The following CEP192 variants were observed in gnomAD, a reference collection of about 807,000 sequenced individuals.
The protein encoded by CEP192 is centrosomal protein of 192 kDa.
Under a neutral mutation model 271.8 loss-of-function variants are expected in CEP192, and 151 were observed. The ratio of observed to expected loss-of-function variants is 0.56; its 90% CI spans 0.49 to 0.64. CEP192 has a LOEUF of 0.64. CEP192 is among the 30% of genes least tolerant of loss of function. CEP192 has a pLI of 0.00. For missense variants in CEP192, 2,910 were observed against 3,020.5 expected (o/e 0.96, Z 0.86); for synonymous variants, 995 against 1,076.5 (o/e 0.92, Z 1.48).
chr18:13,078,502 C>T (rs960599303), intron 30 of CEP192, among the ~76,000 whole-genome samples: 6 of 152,232 alleles, frequency 3.9e-5, no homozygotes, highest in Admixed American at 6.5e-5. Context: ...CTTGAGGAAT[C>T]GCCACACTGT....
At chr18:13,091,816 C>G (rs1169903025) in intron 33 of CEP192, among the ~76,000 whole-genome samples, 1 of 152,056 alleles carries the variant, frequency 6.6e-6, no homozygotes. Context: ...ATGAATAGTT[C>G]TAGTTTCTAG....
intron 9 of CEP192, among the ~76,000 whole-genome samples, chr18:13,024,724 G>A (rs1455401506): frequency 6.6e-6 from 1 of 151,856 alleles, no homozygotes; most frequent in East Asian, 1.9e-4. Flanking sequence ...GCCTCCCAAA[G>A]TGCTGGGATT....
At chr18:13,111,596 C>T (rs1255039087) in intron 40 of CEP192, among the ~76,000 whole-genome samples, 3 of 152,096 alleles carry the variant, frequency 2.0e-5, no homozygotes, top group Non-Finnish European at 4.4e-5. Context: ...TTAGATTTGA[C>T]ACCAGTAAAG....
At chr18:13,061,070 C>T (rs2037383361) in intron 21 of CEP192, among the ~76,000 whole-genome samples, 1 of 152,186 alleles carries the variant, frequency 6.6e-6, no homozygotes, top group Admixed American at 6.5e-5. Context: ...TGCCTGTAAT[C>T]CCAGCACTTT....
chr18:13,072,715 A>G (rs1308285626), intron 28 of CEP192, 40 bp from the exon 29 acceptor site: 3 of 1,337,238 alleles, frequency 2.2e-6, no homozygotes, highest in Non-Finnish European at 3.2e-6. Flanking sequence ...AGCAATATCC[A>G]TGGAGAAAAA....
intron 38 of CEP192, among the ~76,000 whole-genome samples, chr18:13,102,277 C>T (rs914207100): frequency 3.3e-5 from 5 of 151,996 alleles, no homozygotes; most frequent in African/African-American, 1.2e-4. Flanking sequence ...CTTCTGTTTC[C>T]ATCACAGATG....
At chr18:13,075,009 A>G (rs905734930) in intron 30 of CEP192, among the ~76,000 whole-genome samples, 3 of 152,218 alleles carry the variant, frequency 2.0e-5, no homozygotes, top group Non-Finnish European at 4.4e-5. Flanking sequence ...ACTACCCTCA[A>G]TCACTAAGTG....
intron 44 of CEP192, among the ~76,000 whole-genome samples, chr18:13,121,405 C>T (rs1321279269): frequency 1.3e-5 from 2 of 152,196 alleles, no homozygotes; most frequent in Non-Finnish European, 2.9e-5. Context: ...AGCTCCAGCA[C>T]TAGCACAGGA....
At chr18:13,094,632 A>G (rs964518062) in intron 34 of CEP192, among the ~76,000 whole-genome samples, 1 of 152,190 alleles carries the variant, frequency 6.6e-6, no homozygotes, top group Non-Finnish European at 1.5e-5. Context: ...AGAGTAGAGA[A>G]TGGTGTTAGA....
intron 9 of CEP192, among the ~76,000 whole-genome samples, chr18:13,021,257 GA>G (rs1349261068): frequency 1.3e-5 from 2 of 152,156 alleles, no homozygotes; most frequent in Non-Finnish European, 2.9e-5. Context: ...AAAAGAAAAC[GA>G]TTGTTGATTT....
At chr18:13,113,549 T>A (rs558931945) in intron 40 of CEP192, 37 bp from the exon 41 acceptor site, 1 of 1,598,444 alleles carries the variant, frequency 6.3e-7, no homozygotes, top group Non-Finnish European at 8.6e-7. Context: ...TGTTTAATGA[T>A]CAGTGTCTAA....
At chr18:13,055,244 A>G (rs1207437143) in intron 18 of CEP192, among the ~76,000 whole-genome samples, 2 of 150,508 alleles carry the variant, frequency 1.3e-5, no homozygotes, top group Non-Finnish European at 2.9e-5. Context: ...GCGCCATTGC[A>G]CTCCAACCTG....
intron 30 of CEP192, among the ~76,000 whole-genome samples, chr18:13,083,713 T>G (rs2038747469): frequency 6.6e-6 from 1 of 152,218 alleles, no homozygotes; most frequent in Non-Finnish European, 1.5e-5. Context: ...TTTTTAGAAT[T>G]TTCAGCTTTT....
At chr18:13,111,725 T>G (rs1225838493) in intron 40 of CEP192, among the ~76,000 whole-genome samples, 1 of 152,186 alleles carries the variant, frequency 6.6e-6, no homozygotes, top group Non-Finnish European at 1.5e-5. Flanking sequence ...AAATGATGTA[T>G]TTGACAAAGG....
At chr18:13,087,678 C>A in intron 32 of CEP192, 32 bp downstream of exon 32, 3 of 1,142,092 alleles carry the variant, frequency 2.6e-6, no homozygotes, top group Middle Eastern at 2.0e-4. Flanking sequence ...ATGTTGGGAA[C>A]CATTCAGCAG....
chr18:13,103,677 A>G, intron 39 of CEP192, 89 bp downstream of exon 39: 2 of 1,019,034 alleles, frequency 2.0e-6, no homozygotes, highest in South Asian at 1.3e-5. Flanking sequence ...ATAGGTTGAT[A>G]TTACTGGTTA....
Position 13,056,691 on chromosome 18 carries a change from A to G in CEP192, c.4101A>G (p.Ser1367=), listed in dbSNP as rs980572831. 2.5e-6 allele frequency: 4 copies of G among 1,584,318 alleles called. No individual in the cohort carries two copies. The African/African-American group carries it at 5.5e-5, about 22-fold the overall frequency. Residue 1367 remains serine (S), a synonymous_variant, in exon 19 of 45, where the codon TCA becomes TCG. Transcript: ENST00000506447. The part of the protein sequence containing the change: ...GIEPWDSGVT[S]GLGSVRVPEE... Reference sequence around the variant, plus strand: ...AACCATGGGATTCAGGAGTGACATCAGGATTGGGTAAGATGCTTTTTCTCT... The same window carrying G: ...AACCATGGGATTCAGGAGTGACATCGGGATTGGGTAAGATGCTTTTTCTCT...
chr18:13,086,911 A>T lies in CEP192; in HGVS notation c.5617-106A>T, dbSNP rs548741673. On this transcript the variant is annotated intron_variant, in intron 30 of 44. Coordinates refer to ENST00000506447, the MANE Select transcript of CEP192 (RefSeq NM_032142.4). The stretch of plus-strand genomic sequence containing the variant: ...ACTACCCAAAGTACACAAACATTTA[A>T]ATTTTTAATTGTATTAAATCTTTCT... The T allele has an allele frequency of 1.9e-4, 146 of 780,110 alleles. No individual in the cohort carries two copies. The South Asian group carries it at 2.8e-3, about 15-fold the overall frequency. The allele number at this position is 780,110 out of a possible 1,614,324, so 48.3% of individuals were successfully genotyped here.
Position 13,056,526 on chromosome 18 carries a change from T to C in CEP192, c.3936T>C (p.Ile1312=), listed in dbSNP as rs762818535. 6.2e-7 allele frequency: 1 copy of C among 1,614,124 alleles called. No homozygotes were observed. The change falls in exon 19 of 45, where the codon ATT becomes ATC. Residue 1312 remains isoleucine, a synonymous_variant. Transcript: ENST00000506447. The stretch of plus-strand genomic sequence containing the variant: ...TGCAGAACTCTGTGGCTGTGGGAAT[T>C]TGTCTAGGATCAAATATCGGCTCTG... ...EPVQNSVAVG[I]CLGSNIGSGW...
Sources: allele counts gnomAD v4.1 joint callset (sites outside exome capture counted in the v4.1 genomes callset), GRCh38; gene constraint gnomAD v4.1.1; transcripts MANE v1.5; gene names NCBI Gene and HGNC (gene_info 2026-07-23, HGNC 2026-07-21).